KIAA1328: variants seen among roughly 807,000 people sequenced by gnomAD.
The protein encoded by KIAA1328 is KIAA1328.
Under a neutral mutation model 68.1 loss-of-function variants are expected in KIAA1328, and 52 were observed. That is an observed-to-expected ratio of 0.76 (90% CI 0.61 to 0.96). The LOEUF is 0.96. Among genes scored for constraint, KIAA1328 ranks in the 40% least tolerant of loss-of-function variants. KIAA1328 has a pLI of 0.00. For synonymous variants in KIAA1328, 232 were observed against 239.4 expected, an observed-to-expected ratio of 0.97 and a Z score of 0.28; for missense variants, 641 against 677.6, an observed-to-expected ratio of 0.95 and a Z score of 0.60.
At chr18:36,890,086 C>G (rs997375671) in intron 5 of KIAA1328, among the ~76,000 whole-genome samples, 1 of 151,984 alleles carries the variant, frequency 6.6e-6, no homozygotes, top group African/African-American at 2.4e-5. Flanking sequence ...ATCTCTCTGA[C>G]TAGGGCTTAG....
At chr18:37,144,462 A>G (rs2058848958) in intron 7 of KIAA1328, among the ~76,000 whole-genome samples, 1 of 151,900 alleles carries the variant, frequency 6.6e-6, no homozygotes, top group African/African-American at 2.4e-5. Context: ...CTTGCTTCAT[A>G]AGATAGAATA....
intron 7 of KIAA1328, among the ~76,000 whole-genome samples, chr18:37,137,717 T>A (rs959241476): frequency 6.6e-6 from 1 of 152,212 alleles, no homozygotes; most frequent in Non-Finnish European, 1.5e-5. Context: ...CTCTGCATAC[T>A]GTTTAAATAT....
rs2046920871 is a variant in KIAA1328, at chr18:36,843,324, A to G, written c.238-884A>G. Among the ~76,000 whole-genome samples, 3 of 152,104 alleles carry G rather than the reference A, an allele frequency of 2.0e-5. No individual in the cohort carries two copies. The South Asian group carries it at 6.2e-4, about 32-fold the overall frequency. Reference sequence around the variant, plus strand: ...CACCTTCGGCTATTACTATTTCCAGAATTCACTTTAGGTGTTTTCAGTTAT... The same window carrying G: ...CACCTTCGGCTATTACTATTTCCAGGATTCACTTTAGGTGTTTTCAGTTAT... On this transcript the variant is annotated intron_variant, in intron 3 of 9. Transcript: ENST00000280020.
At chr18:36,862,521 T>C (rs1398265579) in intron 4 of KIAA1328, among the ~76,000 whole-genome samples, 1 of 152,196 alleles carries the variant, frequency 6.6e-6, no homozygotes, top group Non-Finnish European at 1.5e-5. Flanking sequence ...ATTCATGTTG[T>C]TGCATGTATC....
chr18:37,025,284 A>AC (rs1262917631), intron 6 of KIAA1328, among the ~76,000 whole-genome samples: 7 of 152,082 alleles, frequency 4.6e-5, no homozygotes, highest in Admixed American at 2.6e-4. Flanking sequence ...GGAGACTTTA[A>AC]CCCCCCACTG....
intron 6 of KIAA1328, among the ~76,000 whole-genome samples, chr18:36,984,667 G>A (rs1250663807): frequency 6.6e-6 from 1 of 152,080 alleles, no homozygotes; most frequent in East Asian, 1.9e-4. Flanking sequence ...CAGAACTTTG[G>A]GAGGCTGAGA....
chr18:37,030,605 G>A (rs1247139785), intron 6 of KIAA1328, among the ~76,000 whole-genome samples: 2 of 151,984 alleles, frequency 1.3e-5, no homozygotes, highest in Non-Finnish European at 2.9e-5. Flanking sequence ...TCTTTAATCT[G>A]CATGAAAAAT....
intron 4 of KIAA1328, among the ~76,000 whole-genome samples, chr18:36,864,579 T>A (rs932114686): frequency 2.7e-5 from 4 of 146,324 alleles, no homozygotes; most frequent in African/African-American, 1.0e-4. Flanking sequence ...AATTTTTATA[T>A]CAAAGTGGTC....
chr18:37,105,916 C>CAAAAAAAAAAAAAAAAAAAAAAA (rs58940699), intron 7 of KIAA1328, among the ~76,000 whole-genome samples: 7 of 19,502 alleles, frequency 3.6e-4, no homozygotes, highest in African/African-American at 8.2e-4. Context: ...GACTCTGTGT[C>CAAAAAAAAAAAAAAAAAAAAAAA]AAAAAAAAAA....
intron 7 of KIAA1328, among the ~76,000 whole-genome samples, chr18:37,088,513 A>C (rs1456779382): frequency 1.3e-5 from 2 of 151,978 alleles, no homozygotes; most frequent in East Asian, 1.9e-4. Context: ...TCCTATGTTC[A>C]TATTTTTTAT....
Position 37,107,940 on chromosome 18 carries a change from C to T in KIAA1328, c.1232+40395C>T, listed in dbSNP as rs143997239. ...TGTACACTGTTAGTGGGAATGTAAA[C>T]GCAGCCACTGTAGAAAGCAATTTGG... On this transcript the variant is annotated intron_variant, in intron 7 of 9. Transcript: ENST00000280020. Among the ~76,000 whole-genome samples, 306 of 151,390 alleles carry T rather than the reference C, an allele frequency of 2.0e-3. 1 individual carries two copies. Among genetic ancestry groups the T allele is most frequent in the African/African-American group, 5.3e-3 (217 of 41,252 alleles).
intron 7 of KIAA1328, among the ~76,000 whole-genome samples, chr18:37,145,905 C>T (rs146779040): frequency 7.8e-4 from 118 of 152,212 alleles, no homozygotes; most frequent in African/African-American, 2.5e-3. Context: ...TCTAGTCTGA[C>T]AATCTATTCC....
intron 6 of KIAA1328, among the ~76,000 whole-genome samples, chr18:37,019,818 A>C (rs758663189): frequency 6.6e-6 from 1 of 152,138 alleles, no homozygotes; most frequent in Non-Finnish European, 1.5e-5. Context: ...GGGTTTCGCT[A>C]TACCATGACC....
At chr18:37,148,598 C>T (rs1178713897) in intron 7 of KIAA1328, among the ~76,000 whole-genome samples, 8 of 152,268 alleles carry the variant, frequency 5.3e-5, no homozygotes, top group East Asian at 1.9e-4. Flanking sequence ...AATGTAAAAG[C>T]GTTCCTATTT....
At chr18:37,183,046 C>G in intron 9 of KIAA1328, among the ~76,000 whole-genome samples, 1 of 152,170 alleles carries the variant, frequency 6.6e-6, no homozygotes, top group South Asian at 2.1e-4. Flanking sequence ...AAGGATTTTC[C>G]TTATGCAATG....
At chr18:36,879,949 A>T (rs1365194864) in intron 4 of KIAA1328, among the ~76,000 whole-genome samples, 2 of 152,230 alleles carry the variant, frequency 1.3e-5, no homozygotes, top group East Asian at 3.9e-4. Flanking sequence ...AAGCCGGTGG[A>T]TCTTAGCTTG....
chr18:37,002,820 A>G (rs2053639720), intron 6 of KIAA1328, among the ~76,000 whole-genome samples: 1 of 152,092 alleles, frequency 6.6e-6, no homozygotes, highest in South Asian at 2.1e-4. Flanking sequence ...TCATTCTTCA[A>G]AGAATTAGAG....
At chr18:36,957,421 GCT>G (rs2051465239) in intron 5 of KIAA1328, among the ~76,000 whole-genome samples, 1 of 152,092 alleles carries the variant, frequency 6.6e-6, no homozygotes, top group Admixed American at 6.5e-5. Flanking sequence ...AAGGAACAGA[GCT>G]CTCTCTTGGG....
intron 7 of KIAA1328, among the ~76,000 whole-genome samples, chr18:37,152,149 A>G (rs189461062): frequency 6.6e-6 from 1 of 151,966 alleles, no homozygotes; most frequent in Non-Finnish European, 1.5e-5. Context: ...AACATACATT[A>G]ACACGTGTGT....
Sources: allele counts gnomAD v4.1 joint callset (sites outside exome capture counted in the v4.1 genomes callset), GRCh38; gene constraint gnomAD v4.1.1; transcripts MANE v1.5; gene names NCBI Gene and HGNC (gene_info 2026-07-23, HGNC 2026-07-21).